CUX1: variants seen among roughly 807,000 people sequenced by gnomAD.
CUX1 encodes protein CASP.
A neutral mutation model predicts 158.8 loss-of-function variants in CUX1; 31 were observed. The observed-to-expected ratio is 0.20, with a 90% confidence interval of 0.15 to 0.26. The LOEUF is 0.26. Among genes scored for constraint, CUX1 ranks in the 10% least tolerant of loss-of-function variants. CUX1 has a pLI of 1.00. For synonymous variants in CUX1, 879 were observed against 862.1 expected (o/e 1.02, Z -0.34); for missense variants, 1,589 against 2,014.6 (o/e 0.79, Z 4.04).
intron 20 of CUX1, 101 bp downstream of exon 20, chr7:102,205,271 A>T: frequency 1.1e-6 from 1 of 882,104 alleles, no homozygotes; most frequent in South Asian, 1.4e-5. Flanking sequence ...GGGACCGCAC[A>T]TTCTGGATTT....
chr7:102,102,347 C>G (rs1367548241), intron 5 of CUX1, among the ~76,000 whole-genome samples: 1 of 141,884 alleles, frequency 7.0e-6, no homozygotes, highest in Non-Finnish European at 1.5e-5. Context: ...TTGCTTGAAC[C>G]CAGGAAGCAG....
In CUX1 at chr7:102,133,839, T is replaced by TG. The variant is rs540393333; in HGVS notation, c.674+18567dup. 2.8e-3 allele frequency among the ~76,000 whole-genome samples: 434 copies of TG among 152,310 alleles called. 3 individuals carry two copies. The highest frequency in any genetic ancestry group is 0.01 in the African/African-American group (423 of 41,572). On this transcript the variant is annotated intron_variant, in intron 8 of 23. Coordinates refer to ENST00000292535, the MANE Select transcript of CUX1 (RefSeq NM_181552.4). ...ATGTAGCATTTCCTTCCATTGTAAA[T>TG]GAAGCCCCCACACCGGGGTAATTGC... is the stretch of plus-strand genomic sequence containing the variant.
chr7:101,942,485 C>G (rs779276578), intron 2 of CUX1, among the ~76,000 whole-genome samples: 8 of 152,202 alleles, frequency 5.3e-5, no homozygotes, highest in Non-Finnish European at 8.8e-5. Context: ...GATTTTGAGA[C>G]AGGGTCTTTC....
At position 102,197,184 on chromosome 7, in the gene CUX1, C is replaced by G. The variant is rs782385826; in HGVS notation, c.1773C>G (p.Ala591=). 2.5e-6 allele frequency: 4 copies of G among 1,614,220 alleles called. No individual in the cohort carries two copies. The East Asian group carries it at 8.9e-5, about 36-fold the overall frequency. The part of the protein sequence containing the change: ...LSQGSVSEIL[A]RPKPWNKLTV... Reference sequence around the variant, plus strand: ...AAGGGTCCGTGAGCGAGATTCTGGCCCGGCCCAAGCCATGGAATAAACTGA... The same window carrying G: ...AAGGGTCCGTGAGCGAGATTCTGGCGCGGCCCAAGCCATGGAATAAACTGA... Residue 591 remains alanine, a synonymous_variant, in exon 15 of 24, where the codon GCC becomes GCG. Transcript: ENST00000292535.
At chr7:102,265,732 C>A (rs896804788) in intron 14 of CUX1, among the ~76,000 whole-genome samples, 1 of 152,102 alleles carries the variant, frequency 6.6e-6, no homozygotes, top group African/African-American at 2.4e-5. Context: ...TTGCACCCGA[C>A]CAACTTTTTA....
chr7:102,104,999 C>T (rs1023279320), intron 6 of CUX1, among the ~76,000 whole-genome samples: 2 of 152,108 alleles, frequency 1.3e-5, no homozygotes, highest in Non-Finnish European at 2.9e-5. Flanking sequence ...CTATCCAAGC[C>T]GTGCAGGTGC....
intron 2 of CUX1, among the ~76,000 whole-genome samples, chr7:101,999,898 G>A (rs1022327386): frequency 3.9e-5 from 6 of 152,056 alleles, no homozygotes; most frequent in Non-Finnish European, 8.8e-5. Flanking sequence ...GTGTGTGTGC[G>A]TGTGTGTGTG....
At chr7:101,872,824 T>G (rs921536924) in intron 1 of CUX1, among the ~76,000 whole-genome samples, 1 of 152,188 alleles carries the variant, frequency 6.6e-6, no homozygotes, top group Non-Finnish European at 1.5e-5. Context: ...GTTTTTACAA[T>G]GTACCATTTT....
intron 3 of CUX1, among the ~76,000 whole-genome samples, chr7:102,030,609 G>A (rs73185860): frequency 0.13 from 19,406 of 151,168 alleles, 1,316 homozygotes; most frequent in Non-Finnish European, 0.15. Flanking sequence ...CTTTTATAAC[G>A]GCCCTCCTCG....
chr7:101,971,633 C>T (rs958898395), intron 2 of CUX1, among the ~76,000 whole-genome samples: 6 of 152,148 alleles, frequency 3.9e-5, no homozygotes, highest in Non-Finnish European at 8.8e-5. Flanking sequence ...GCAAAAAGGG[C>T]AACCAGATAA....
intron 8 of CUX1, among the ~76,000 whole-genome samples, chr7:102,134,181 T>G (rs1833643577): frequency 6.6e-6 from 1 of 152,088 alleles, no homozygotes; most frequent in East Asian, 1.9e-4. Flanking sequence ...CCTAAAAGTT[T>G]AAAAAATTAG....
intron 1 of CUX1, among the ~76,000 whole-genome samples, chr7:101,839,682 T>G (rs1291254591): frequency 6.6e-6 from 1 of 152,232 alleles, no homozygotes; most frequent in Non-Finnish European, 1.5e-5. Flanking sequence ...CTTTTTTTTT[T>G]TCTAAATGGT....
chr7:102,104,736 C>G (rs1053629649), intron 6 of CUX1, among the ~76,000 whole-genome samples: 11 of 150,860 alleles, frequency 7.3e-5, no homozygotes, highest in Middle Eastern at 6.4e-3. Flanking sequence ...CTAAAAAATA[C>G]AAAAAAAAAT....
At chr7:102,263,933 C>G (rs1458439603) in intron 14 of CUX1, among the ~76,000 whole-genome samples, 1 of 151,232 alleles carries the variant, frequency 6.6e-6, no homozygotes, top group Non-Finnish European at 1.5e-5. Flanking sequence ...CTCAAGCGAT[C>G]TGCCTGCCTC....
At chr7:101,816,896 C>T (rs1791878336), upstream of CUX1, 3 of 980,370 alleles carry the variant, frequency 3.1e-6, no homozygotes, top group Non-Finnish European at 3.6e-6. Context: ...CGCTCCGGCA[C>T]CCCGCGTGTG....
At chr7:101,966,765 C>G (rs184941208) in intron 2 of CUX1, among the ~76,000 whole-genome samples, 5 of 152,236 alleles carry the variant, frequency 3.3e-5, no homozygotes, top group Admixed American at 2.0e-4. Flanking sequence ...GTCTGTATCT[C>G]CCTATATTCA....
At chr7:102,076,588 G>A (rs1326985545) in intron 4 of CUX1, among the ~76,000 whole-genome samples, 1 of 151,716 alleles carries the variant, frequency 6.6e-6, no homozygotes, top group Non-Finnish European at 1.5e-5. Flanking sequence ...GGTATTACTC[G>A]GGTCAATGCC....
rs537662700 is a variant in CUX1 at position 101,825,753 on chromosome 7, C to CTGTGTGTGTGTG, written c.30+8119_30+8130dup. Among the ~76,000 whole-genome samples, 455 of 129,460 alleles carry CTGTGTGTGTGTG rather than the reference C, an allele frequency of 3.5e-3. 1 individual carries two copies. The highest frequency in any genetic ancestry group is 6.6e-3 in the East Asian group (27 of 4,084). The allele number at this position is 129,460 out of a possible 152,430, so 84.9% of individuals were successfully genotyped here. On this transcript the variant is annotated intron_variant, in intron 1 of 23. Coordinates refer to ENST00000292535, the MANE Select transcript of CUX1 (RefSeq NM_181552.4). ...AAACGCCCTGATACCTTAATGAAATCTGTGTGTGTGTGTGTGTGTGTGTGT... is the reference window on the plus strand; with the variant it reads ...AAACGCCCTGATACCTTAATGAAATCTGTGTGTGTGTGTGTGTGTGTGTGTGTGTGTGTGTGT...
chr7:102,251,183 A>T lies in CUX1; in HGVS notation c.*2141A>T. 1.0e-6 allele frequency: 1 copy of T among 982,778 alleles called. No homozygotes were observed. Among genetic ancestry groups the T allele is most frequent in the Non-Finnish European group, 1.2e-6 (1 of 828,680 alleles). 60.9% of individuals were successfully genotyped at this position (982,778 alleles called of 1,614,324 possible). On this transcript the variant is annotated 3_prime_UTR_variant, in exon 24 of 24. Transcript: ENST00000292535. ...CTTTGTCTTAGGTCAACATCTTTGG[A>T]TGACATTTTAATGGTGCATTCATTA...
Sources: gnomAD v4.1 joint callset for allele counts (sites outside exome capture counted in the v4.1 genomes callset) on GRCh38, gnomAD v4.1.1 for gene constraint, MANE v1.5 for transcripts, NCBI Gene and HGNC (gene_info 2026-07-23, HGNC 2026-07-21) for gene names.